OCA2: variants seen among roughly 807,000 people sequenced by gnomAD.
The protein encoded by OCA2 is P protein.
OCA2 carries 77 observed loss-of-function variants against 100.2 expected under a neutral mutation model. That is an observed-to-expected ratio of 0.77 (90% CI 0.64 to 0.93). The LOEUF (loss-of-function observed/expected upper bound fraction) is 0.93, where lower values mean the gene tolerates loss of function less well. Among genes scored for constraint, OCA2 ranks in the 40% least tolerant of loss-of-function variants. The pLI, the probability that OCA2 is intolerant of heterozygous loss-of-function variation, is 0.00. For missense variants in OCA2, 1,062 were observed against 1,089.1 expected (o/e 0.98, Z 0.35); for synonymous variants, 432 against 439.2 (o/e 0.98, Z 0.21).
At chr15:27,825,251 G>A (rs941056648) in intron 23 of OCA2, among the ~76,000 whole-genome samples, 24 of 152,272 alleles carry the variant, frequency 1.6e-4, no homozygotes, top group African/African-American at 5.3e-4. Context: ...GAGCTGCCAG[G>A]CCCAGCAGGT....
rs201567846 is a variant in OCA2, at chr15:27,814,883, TATAGATAGATAGATAG to T, written c.2432+30060_2432+30075del. On this transcript the variant is annotated intron_variant, in intron 23 of 23. Transcript: ENST00000354638. ...GGGCAACAGGGTGAGATTCTCTCTC[TATAGATAGATAGATAG>T]ATAGATAGATAGATAGATAGATAGA... 6.2e-3 allele frequency among the ~76,000 whole-genome samples: 632 copies of T among 101,864 alleles called. 5 individuals carry two copies. Among genetic ancestry groups the T allele is most frequent in the East Asian group, 8.3e-3 (33 of 3,988 alleles). The allele number at this position is 101,864 out of a possible 152,430, so 66.8% of individuals were successfully genotyped here. A position where few individuals can be genotyped will look rare whatever the true frequency, so the allele number is the denominator to read the frequency against.
chr15:27,839,480 T>C (rs913658995), intron 23 of OCA2, among the ~76,000 whole-genome samples: 6 of 152,172 alleles, frequency 3.9e-5, no homozygotes, highest in African/African-American at 1.2e-4. Flanking sequence ...ACAAAGTGAT[T>C]TAGAAAGGCT....
intron 21 of OCA2, among the ~76,000 whole-genome samples, chr15:27,862,493 G>A (rs910775732): frequency 3.6e-4 from 36 of 98,824 alleles, no homozygotes; most frequent in African/African-American, 1.8e-3. Flanking sequence ...TTTTTTTTTT[G>A]AGATGGAGTT....
At chr15:27,844,908 G>C (rs769918453) in intron 23 of OCA2, 51 bp downstream of exon 23, 11 of 1,282,510 alleles carry the variant, frequency 8.6e-6, no homozygotes, top group Non-Finnish European at 1.2e-5. Context: ...AATTAAGTAA[G>C]CTTAGGAACT....
rs2044169637 is a variant in OCA2 at position 28,069,847 on chromosome 15, C to T, written c.227+11801G>A. Among the ~76,000 whole-genome samples, 3 of 131,098 alleles carry T rather than the reference C, an allele frequency of 2.3e-5. No individual in the cohort carries two copies. The South Asian group carries it at 7.8e-4, about 34-fold the overall frequency. 86.0% of individuals were successfully genotyped at this position (131,098 alleles called of 152,430 possible). A position where few individuals can be genotyped will look rare whatever the true frequency, so the allele number is the denominator to read the frequency against. On this transcript the variant is annotated intron_variant, in intron 2 of 23. Coordinates refer to ENST00000354638, the MANE Select transcript of OCA2 (RefSeq NM_000275.3). ...ACCCCGTCTGGGAAGTGAGGAGTGT[C>T]TCTGCCTGGCCGCCCATCGTCTGGG...
chr15:28,051,771 T>A (rs935583111), intron 2 of OCA2, among the ~76,000 whole-genome samples: 6 of 151,396 alleles, frequency 4.0e-5, no homozygotes, highest in African/African-American at 1.2e-4. Flanking sequence ...CTCCGAAGGG[T>A]GCAGGCGGGG....
chr15:28,097,259 G>C (rs552901975), intron 1 of OCA2, among the ~76,000 whole-genome samples: 1 of 152,354 alleles, frequency 6.6e-6, no homozygotes, highest in South Asian at 2.1e-4. Flanking sequence ...CGGGTCCCGC[G>C]GGTGGCCGGC....
chr15:27,989,313 G>A (rs1384567929), intron 11 of OCA2, among the ~76,000 whole-genome samples: 1 of 101,024 alleles, frequency 9.9e-6, no homozygotes, highest in Non-Finnish European at 3.0e-5. Context: ...ATTTGGGATA[G>A]TCCATTTTTT....
At chr15:27,960,850 G>A (rs2040386302) in intron 15 of OCA2, among the ~76,000 whole-genome samples, 1 of 148,722 alleles carries the variant, frequency 6.7e-6, no homozygotes, top group South Asian at 2.1e-4. Context: ...GTTGCAGTGA[G>A]CCAAGATTGC....
intron 23 of OCA2, among the ~76,000 whole-genome samples, chr15:27,843,895 G>A (rs981131531): frequency 2.0e-5 from 3 of 152,166 alleles, no homozygotes; most frequent in Non-Finnish European, 1.5e-5. Context: ...TGGCTACAGG[G>A]TTCTCTGCCA....
At chr15:27,734,245 A>G in the OCA2 span, among the ~76,000 whole-genome samples, 2 of 143,534 alleles carry the variant, frequency 1.4e-5, no homozygotes, top group African/African-American at 2.6e-5. Context: ...AGAAACATCA[A>G]TTTGAACAAC....
intron 23 of OCA2, among the ~76,000 whole-genome samples, chr15:27,814,352 T>C (rs1159307545): frequency 1.3e-5 from 2 of 152,120 alleles, no homozygotes; most frequent in Admixed American, 6.5e-5. Flanking sequence ...ATAATGGAGA[T>C]ATATTTAAGA....
At chr15:28,001,796 C>T (rs976954529) in intron 9 of OCA2, among the ~76,000 whole-genome samples, 2 of 152,182 alleles carry the variant, frequency 1.3e-5, no homozygotes, top group Admixed American at 1.3e-4. Flanking sequence ...ACAGCATGCA[C>T]CTCAGCGATG....
intron 21 of OCA2, among the ~76,000 whole-genome samples, chr15:27,862,476 C>CTT (rs1567033938): frequency 7.1e-6 from 1 of 141,800 alleles, no homozygotes; most frequent in African/African-American, 3.0e-5. Flanking sequence ...CCTCCTCAGA[C>CTT]ATTTTTTTTT....
At chr15:28,091,180 T>C (rs1468474817) in intron 1 of OCA2, among the ~76,000 whole-genome samples, 1 of 152,256 alleles carries the variant, frequency 6.6e-6, no homozygotes, top group Non-Finnish European at 1.5e-5. Context: ...TTCTATTAAG[T>C]AAATTAAATT....
At chr15:27,902,429 T>C (rs773146260) in intron 19 of OCA2, among the ~76,000 whole-genome samples, 56 of 152,334 alleles carry the variant, frequency 3.7e-4, no homozygotes, top group Non-Finnish European at 2.1e-4. Flanking sequence ...ATTAAATTTA[T>C]TTTTGAGTGC....
At chr15:27,899,373 C>A (rs146455250) in intron 19 of OCA2, among the ~76,000 whole-genome samples, 2 of 152,060 alleles carry the variant, frequency 1.3e-5, no homozygotes, top group Admixed American at 1.3e-4. Context: ...GTTGAGGACC[C>A]GGAGAAGGGG....
In OCA2 at chr15:27,951,865, C is replaced by T. The variant is rs373739951; in HGVS notation, c.1870G>A (p.Ala624Thr). ...KHRISDGILL[A>T]KCLTVLGFVI... is the part of the protein sequence containing the mutation. Reference sequence around the variant, plus strand: ...AATCCCAACACTGTCAGGCATTTGGCGAGCAGAATCCCGTCAGATATCCTA... The same window carrying T: ...AATCCCAACACTGTCAGGCATTTGGTGAGCAGAATCCCGTCAGATATCCTA... The change falls in exon 18 of 24, where the codon GCC (alanine) becomes ACC (threonine). Residue 624 changes from alanine to threonine, a missense_variant. By Grantham distance (58) the Ala-to-Thr change is moderately conservative. Transcript: ENST00000354638. 2.0e-5 allele frequency: 32 copies of T among 1,613,652 alleles called. No individual in the cohort carries two copies. Among genetic ancestry groups the T allele is most frequent in the African/African-American group, 1.5e-4 (11 of 75,036 alleles).
At chr15:27,750,473 G>T (rs939226580), downstream of OCA2, among the ~76,000 whole-genome samples, 1 of 152,132 alleles carries the variant, frequency 6.6e-6, no homozygotes, top group Admixed American at 6.5e-5. Flanking sequence ...TTAATATTGG[G>T]CATATAGAGA....
Sources: gnomAD v4.1 joint callset for allele counts (sites outside exome capture counted in the v4.1 genomes callset) on GRCh38, gnomAD v4.1.1 for gene constraint, MANE v1.5 for transcripts, NCBI Gene and HGNC (gene_info 2026-07-23, HGNC 2026-07-21) for gene names.